Variants in RBM19 observed in about 807,000 individuals in gnomAD.
RBM19 encodes probable RNA-binding protein 19.
Under a neutral mutation model 116.8 loss-of-function variants are expected in RBM19, and 94 were observed. That is an observed-to-expected ratio of 0.80 (90% CI 0.68 to 0.95). The LOEUF (loss-of-function observed/expected upper bound fraction) is 0.95, where lower values mean the gene tolerates loss of function less well. Ranked by LOEUF, RBM19 falls within the 40% of genes least tolerant of loss-of-function variation. The pLI is 0.00. For synonymous variants in RBM19, 475 were observed against 494.1 expected (o/e 0.96, Z 0.51); for missense variants, 1,161 against 1,220.7 (o/e 0.95, Z 0.73).
chr12:113,872,382 C>T (rs1388266530), intron 21 of RBM19, among the ~76,000 whole-genome samples: 9 of 150,012 alleles, frequency 6.0e-5, no homozygotes, highest in African/African-American at 1.5e-4. Flanking sequence ...CCACCCCGTC[C>T]GGGAGGGAGG....
At chr12:113,946,800 C>T (rs542097349) in intron 11 of RBM19, among the ~76,000 whole-genome samples, 50 of 152,278 alleles carry the variant, frequency 3.3e-4, no homozygotes, top group Non-Finnish European at 6.3e-4. Context: ...AGGTCCATGC[C>T]GGTGGGGCCA....
intron 17 of RBM19, 111 bp downstream of exon 17, chr12:113,926,943 G>A: frequency 8.0e-7 from 1 of 1,252,870 alleles, no homozygotes; most frequent in Non-Finnish European, 1.1e-6. Flanking sequence ...TTGCTCCCAA[G>A]TGCATATTAA....
At chr12:113,939,222 C>T (rs1000497749) in intron 15 of RBM19, among the ~76,000 whole-genome samples, 1 of 152,120 alleles carries the variant, frequency 6.6e-6, no homozygotes, top group Non-Finnish European at 1.5e-5. Flanking sequence ...GGGAGGATTG[C>T]TTGAGCCCCA....
chr12:113,943,700 G>A (rs1870771022), intron 13 of RBM19, among the ~76,000 whole-genome samples: 1 of 151,894 alleles, frequency 6.6e-6, no homozygotes, highest in African/African-American at 2.4e-5. Flanking sequence ...GTGCGTGCCT[G>A]TAATCCCAGC....
intron 23 of RBM19, 69 bp from the exon 24 acceptor site, chr12:113,823,390 A>G (rs1874591431): frequency 1.4e-6 from 2 of 1,382,264 alleles, no homozygotes; most frequent in Non-Finnish European, 1.0e-6. Context: ...GGAAGAGAGA[A>G]ATGACAGAGG....
At chr12:113,924,096 G>A (rs1868842075) in intron 18 of RBM19, among the ~76,000 whole-genome samples, 1 of 152,230 alleles carries the variant, frequency 6.6e-6, no homozygotes, top group Non-Finnish European at 1.5e-5. Context: ...CAGGAAGCCA[G>A]GGCTGGAGCC....
At chr12:113,901,526 C>T (rs535400219) in intron 21 of RBM19, among the ~76,000 whole-genome samples, 48 of 152,178 alleles carry the variant, frequency 3.2e-4, no homozygotes, top group African/African-American at 1.1e-3. Context: ...TTCATTCATT[C>T]GAGACAGAGT....
At chr12:113,821,570 C>G (rs1259632806), downstream of RBM19, among the ~76,000 whole-genome samples, 1 of 152,106 alleles carries the variant, frequency 6.6e-6, no homozygotes, top group Non-Finnish European at 1.5e-5. Flanking sequence ...GTTCAGCCCC[C>G]ACATCCAGAA....
downstream of RBM19, among the ~76,000 whole-genome samples, chr12:113,819,235 A>G (rs1033083228): frequency 6.6e-6 from 1 of 152,160 alleles, no homozygotes; most frequent in Non-Finnish European, 1.5e-5. Context: ...CACTCTGAAC[A>G]CCGGGTCACA....
At chr12:113,934,698 G>T (rs1018863319) in intron 16 of RBM19, among the ~76,000 whole-genome samples, 1 of 152,210 alleles carries the variant, frequency 6.6e-6, no homozygotes, top group African/African-American at 2.4e-5. Flanking sequence ...ATAAAATAAA[G>T]GGCCATTTGT....
chr12:113,947,390 T>G lies in RBM19; in HGVS notation c.1351A>C (p.Met451Leu). ...GCCTTCACAGCGTGCTCAGGGAACA[T>G]GAAGGTGATGAATGCAAAACCCTTG... ...KPKGFAFITF[M>L]FPEHAVKAYS... is the part of the protein sequence containing the mutation. The change falls in exon 11 of 24, where the codon ATG (methionine) becomes CTG (leucine). Residue 451 changes from methionine (M) to leucine (L), a missense_variant. Transcript: ENST00000261741. 1 of 1,611,572 alleles carries G rather than the reference T, an allele frequency of 6.2e-7. No homozygotes were observed. Among genetic ancestry groups the G allele is most frequent in the Non-Finnish European group, 8.5e-7 (1 of 1,177,924 alleles).
chr12:113,956,955 G>A (rs893066576), intron 6 of RBM19, among the ~76,000 whole-genome samples: 5 of 152,170 alleles, frequency 3.3e-5, no homozygotes, highest in African/African-American at 1.2e-4. Context: ...AGGCTCAGTT[G>A]ATCCTCCCTA....
intron 21 of RBM19, among the ~76,000 whole-genome samples, chr12:113,884,120 A>AAAAAAC (rs1880351721): frequency 6.9e-6 from 1 of 145,768 alleles, no homozygotes; most frequent in Non-Finnish European, 1.5e-5. Context: ...ACCAAAAAAA[A>AAAAAAC]AAAAAAACAA....
chr12:113,921,558 G>A (rs1868560124), intron 18 of RBM19, among the ~76,000 whole-genome samples: 1 of 152,156 alleles, frequency 6.6e-6, no homozygotes, highest in African/African-American at 2.4e-5. Flanking sequence ...CTGTTTGTGA[G>A]ACCTATGCTC....
intron 23 of RBM19, among the ~76,000 whole-genome samples, chr12:113,835,361 C>A (rs1368253675): frequency 6.6e-6 from 1 of 152,142 alleles, no homozygotes; most frequent in African/African-American, 2.4e-5. Flanking sequence ...GGCCTTGTAC[C>A]CCCGCAAAGG....
intron 23 of RBM19, among the ~76,000 whole-genome samples, chr12:113,829,833 C>T (rs2135689368): frequency 6.6e-6 from 1 of 152,342 alleles, no homozygotes; most frequent in African/African-American, 2.4e-5. Flanking sequence ...ATCAAAGGGT[C>T]CTGTGAGGCC....
chr12:113,887,678 A>C (rs1354439006), intron 21 of RBM19, among the ~76,000 whole-genome samples: 1 of 151,148 alleles, frequency 6.6e-6, no homozygotes, highest in Non-Finnish European at 1.5e-5. Flanking sequence ...AAAAGCCAAC[A>C]TCTAGTAGAT....
At chr12:113,887,683 G>A (rs1292773585) in intron 21 of RBM19, among the ~76,000 whole-genome samples, 1 of 149,968 alleles carries the variant, frequency 6.7e-6, no homozygotes, top group Non-Finnish European at 1.5e-5. Flanking sequence ...CCAACATCTA[G>A]TAGATCTGAT....
At chr12:113,889,859 T>A (rs1350607629) in intron 21 of RBM19, among the ~76,000 whole-genome samples, 1 of 151,486 alleles carries the variant, frequency 6.6e-6, no homozygotes. Flanking sequence ...GGAAAATACA[T>A]GCATTCCATT....
Sources: gnomAD v4.1 joint callset for allele counts (sites outside exome capture counted in the v4.1 genomes callset) on GRCh38, gnomAD v4.1.1 for gene constraint, MANE v1.5 for transcripts, NCBI Gene and HGNC (gene_info 2026-07-23, HGNC 2026-07-21) for gene names.